SCHIP1: variants seen among roughly 807,000 people sequenced by gnomAD.
SCHIP1 encodes schwannomin-interacting protein 1.
SCHIP1 carries 8 observed loss-of-function variants against 29.7 expected under a neutral mutation model. The observed-to-expected ratio is 0.27, with a 90% CI of 0.16 to 0.49. The LOEUF is 0.49. Among genes scored for constraint, SCHIP1 ranks in the 20% least tolerant of loss-of-function variants. SCHIP1 has a pLI of 0.99. For missense variants in SCHIP1, 193 were observed against 294.6 expected (o/e 0.66, Z 2.52); for synonymous variants, 76 against 94.9 (o/e 0.80, Z 1.16).
chr3:159,827,954 A>T, the SCHIP1 span, among the ~76,000 whole-genome samples: 5 of 152,118 alleles, frequency 3.3e-5, no homozygotes, highest in Admixed American at 6.6e-5. Context: ...ATGTAAAAAG[A>T]AAAAACAAAC....
At chr3:159,787,251 C>G in the SCHIP1 span, among the ~76,000 whole-genome samples, 1 of 152,200 alleles carries the variant, frequency 6.6e-6, no homozygotes, top group African/African-American at 2.4e-5. Context: ...ATATAGGATA[C>G]GAGCCTCTGC....
chr3:159,866,192 A>G (rs1560088896), exon 2 of SCHIP1: 1 of 1,613,670 alleles, frequency 6.2e-7, no homozygotes, highest in Non-Finnish European at 8.5e-7. Context: ...AGTCTATCAG[A>G]CAGAAGTTGG....
At chr3:159,400,848 C>A in the SCHIP1 span, among the ~76,000 whole-genome samples, 39 of 152,270 alleles carry the variant, frequency 2.6e-4, no homozygotes, top group Middle Eastern at 3.4e-3. Context: ...ATCTCTTGGG[C>A]CCAAGTGATG....
the SCHIP1 span, among the ~76,000 whole-genome samples, chr3:159,480,465 G>T: frequency 6.6e-6 from 1 of 152,094 alleles, no homozygotes; most frequent in Non-Finnish European, 1.5e-5. Context: ...ATCATGGCTT[G>T]ATGAAAGAGA....
At chr3:159,336,261 T>C in the SCHIP1 span, among the ~76,000 whole-genome samples, 1 of 152,146 alleles carries the variant, frequency 6.6e-6, no homozygotes, top group Non-Finnish European at 1.5e-5. Flanking sequence ...GTCAGATGAG[T>C]AGATTGCAAA....
At chr3:159,732,805 TGCTTCTGCAAGTGCTGAAGGCTTTCCAG>T in the SCHIP1 span, among the ~76,000 whole-genome samples, 2 of 152,212 alleles carry the variant, frequency 1.3e-5, no homozygotes, top group East Asian at 3.9e-4. Context: ...TAGGAAATAC[TGCTTCTGCAAGTGCTGAAGGCTTTCCAG>T]GAGCTGGAGC....
chr3:159,607,711 G>A, the SCHIP1 span, among the ~76,000 whole-genome samples: 20 of 152,238 alleles, frequency 1.3e-4, no homozygotes, highest in African/African-American at 4.3e-4. Context: ...AGGTGCAGCC[G>A]GAGCTTGAAG....
the SCHIP1 span, among the ~76,000 whole-genome samples, chr3:159,278,103 A>G: frequency 6.6e-6 from 1 of 152,200 alleles, no homozygotes; most frequent in Non-Finnish European, 1.5e-5. Context: ...TTTCCAACTT[A>G]GACATGGATA....
the SCHIP1 span, among the ~76,000 whole-genome samples, chr3:159,484,259 C>T: frequency 1.1e-4 from 17 of 152,226 alleles, 1 homozygote; most frequent in African/African-American, 3.9e-4. Flanking sequence ...CAAATGAAAA[C>T]GTTACGATTT....
the SCHIP1 span, chr3:159,765,207 C>T: frequency 6.9e-7 from 1 of 1,449,630 alleles, no homozygotes; most frequent in East Asian, 2.8e-5. Context: ...GCCCGCACGC[C>T]CCCTCCCTGC....
the SCHIP1 span, among the ~76,000 whole-genome samples, chr3:159,542,832 G>A: frequency 4.6e-5 from 7 of 152,068 alleles, no homozygotes; most frequent in African/African-American, 1.2e-4. Context: ...TGGGCCTTTC[G>A]GAACTGAGAC....
the SCHIP1 span, among the ~76,000 whole-genome samples, chr3:159,393,165 T>C: frequency 6.6e-6 from 1 of 152,158 alleles, no homozygotes; most frequent in Non-Finnish European, 1.5e-5. Flanking sequence ...GGGTTGTTTG[T>C]TTTTTTCTTG....
intron 1 of SCHIP1, among the ~76,000 whole-genome samples, chr3:159,847,615 C>T (rs1712010002): frequency 1.3e-5 from 2 of 152,158 alleles, no homozygotes; most frequent in Admixed American, 1.3e-4. Context: ...GTGCGATGGT[C>T]ATCAGAGTGA....
At chr3:159,455,485 A>G in the SCHIP1 span, among the ~76,000 whole-genome samples, 2 of 152,226 alleles carry the variant, frequency 1.3e-5, no homozygotes, top group East Asian at 3.9e-4. Flanking sequence ...CATGTCTCAG[A>G]AAAGTATACA....
At chr3:159,457,905 T>G in the SCHIP1 span, among the ~76,000 whole-genome samples, 3 of 152,176 alleles carry the variant, frequency 2.0e-5, no homozygotes, top group African/African-American at 7.2e-5. Flanking sequence ...CATGCAGTTT[T>G]GGGCTTTAGT....
the SCHIP1 span, among the ~76,000 whole-genome samples, chr3:159,717,310 C>T: frequency 2.6e-5 from 4 of 152,120 alleles, no homozygotes; most frequent in African/African-American, 4.8e-5. Context: ...CCTAACATCA[C>T]AATTAAAAGA....
chr3:159,584,302 T>C, the SCHIP1 span, among the ~76,000 whole-genome samples: 1 of 152,214 alleles, frequency 6.6e-6, no homozygotes, highest in Non-Finnish European at 1.5e-5. Context: ...TCTTGAGACA[T>C]GGACAGAGTC....
At chr3:159,622,340 A>G in the SCHIP1 span, among the ~76,000 whole-genome samples, 1 of 152,218 alleles carries the variant, frequency 6.6e-6, no homozygotes, top group Non-Finnish European at 1.5e-5. Flanking sequence ...GGGCTCTTCC[A>G]ATTTCAACTA....
At chr3:159,636,038 ATATTTTATTATTT>A in the SCHIP1 span, among the ~76,000 whole-genome samples, 7 of 152,156 alleles carry the variant, frequency 4.6e-5, no homozygotes, top group East Asian at 9.7e-4. Flanking sequence ...TAATTTTGCA[ATATTTTATTATTT>A]TATTTTATTA....
Sources: gnomAD v4.1 joint callset for allele counts (sites outside exome capture counted in the v4.1 genomes callset) on GRCh38, gnomAD v4.1.1 for gene constraint, MANE v1.5 for transcripts, NCBI Gene and HGNC (gene_info 2026-07-23, HGNC 2026-07-21) for gene names.